Variants in XKRX observed in about 807,000 individuals in gnomAD.
The protein encoded by XKRX is XK-related protein 2.
XKRX carries 11 observed loss-of-function variants against 22.4 expected under a neutral mutation model. The observed-to-expected ratio is 0.49, with a 90% CI of 0.31 to 0.81. The LOEUF is 0.81. XKRX is among the 40% of genes least tolerant of loss of function. The probability of loss-of-function intolerance (pLI) is 0.05; values close to 1 mark genes in which losing one functional copy is unlikely to be tolerated. For synonymous variants in XKRX, 114 were observed against 132.2 expected, an observed-to-expected ratio of 0.86 and a Z score of 0.94; for missense variants, 320 against 336.5, an observed-to-expected ratio of 0.95 and a Z score of 0.38.
chrX:100,942,837 G>C, the XKRX span, among the ~76,000 whole-genome samples: 1 of 110,909 alleles, frequency 9.0e-6, no homozygotes, highest in Non-Finnish European at 1.9e-5. Context: ...CCTTAATCAG[G>C]TGAAACTCAG....
At chrX:100,890,071 T>C in the XKRX span, among the ~76,000 whole-genome samples, 73 of 111,782 alleles carry the variant, frequency 6.5e-4, no homozygotes, top group Non-Finnish European at 6.2e-4. Context: ...CAATTTGTGA[T>C]ACTTTGCTAT....
chrX:100,958,183 T>C, the XKRX span, among the ~76,000 whole-genome samples: 4 of 112,318 alleles, frequency 3.6e-5, no homozygotes, highest in Non-Finnish European at 5.6e-5. Context: ...TATGGCTTGA[T>C]TAAAAATATA....
chrX:100,927,218 G>A (rs983876606), intron 1 of XKRX, among the ~76,000 whole-genome samples: 74 of 108,297 alleles, frequency 6.8e-4, no homozygotes, highest in African/African-American at 2.2e-3. Context: ...TCACTCTATC[G>A]CCCAGGCTGG....
the XKRX span, among the ~76,000 whole-genome samples, chrX:100,947,717 A>G: frequency 8.9e-6 from 1 of 111,912 alleles, no homozygotes; most frequent in Non-Finnish European, 1.9e-5. Context: ...ACAGTCTTCT[A>G]AATAACCCTT....
At chrX:100,936,571 GA>G in the XKRX span, among the ~76,000 whole-genome samples, 1 of 43,392 alleles carries the variant, frequency 2.3e-5, no homozygotes, top group African/African-American at 1.1e-4. Context: ...AAAAAAAAAA[GA>G]AAAGAAAAGA....
In XKRX at chrX:100,923,699, C is replaced by T. The variant is rs1295431902; in HGVS notation, c.336-638G>A. Among the ~76,000 whole-genome samples the T allele has an allele frequency of 1.3e-4, 15 of 111,653 alleles. No homozygotes were observed. In the Admixed American group the frequency reaches 1.4e-3, roughly 11 times the overall value. On this transcript the variant is annotated intron_variant, in intron 1 of 2. Transcript: ENST00000372956. ...TGAACACAAAGGTATTAAGTCGATA[C>T]TGTTTTCCTAGCAAAATAATGAAGG...
the XKRX span, among the ~76,000 whole-genome samples, chrX:100,952,122 G>C: frequency 1.8e-5 from 2 of 110,326 alleles, no homozygotes; most frequent in African/African-American, 6.6e-5. Context: ...ACTAATTGTG[G>C]TTTATTCTAG....
At chrX:100,890,874 G>T in the XKRX span, among the ~76,000 whole-genome samples, 1 of 111,419 alleles carries the variant, frequency 9.0e-6, no homozygotes, top group Non-Finnish European at 1.9e-5. Flanking sequence ...ATTTTTAACA[G>T]AATTCATTTC....
the XKRX span, among the ~76,000 whole-genome samples, chrX:100,952,067 C>T: frequency 4.6e-5 from 5 of 109,557 alleles, no homozygotes; most frequent in Non-Finnish European, 7.6e-5. Context: ...CAAAATCAGA[C>T]AAAGACAGTA....
At chrX:100,895,146 A>G in the XKRX span, among the ~76,000 whole-genome samples, 6 of 111,776 alleles carry the variant, frequency 5.4e-5, no homozygotes, top group South Asian at 2.2e-3. Context: ...CCTTCTTCCT[A>G]CCTCCACTGT....
At chrX:100,897,576 A>C in the XKRX span, among the ~76,000 whole-genome samples, 2 of 89,649 alleles carry the variant, frequency 2.2e-5, no homozygotes, top group African/African-American at 8.2e-5. Context: ...AAAAAAAAAA[A>C]TCCCACAAAT....
At chrX:100,927,133 A>G (rs1451498595) in intron 1 of XKRX, among the ~76,000 whole-genome samples, 1 of 110,784 alleles carries the variant, frequency 9.0e-6, no homozygotes, top group Non-Finnish European at 1.9e-5. Context: ...TGAGGCAGGA[A>G]GATCACTTGA....
intron 1 of XKRX, among the ~76,000 whole-genome samples, chrX:100,926,506 A>G (rs151015655): frequency 0.012 from 1,399 of 112,354 alleles, 19 homozygotes; most frequent in African/African-American, 0.042. Flanking sequence ...AGTGAGTTCC[A>G]TCCTTAATTA....
the XKRX span, among the ~76,000 whole-genome samples, chrX:100,906,246 T>G: frequency 9.0e-6 from 1 of 111,655 alleles, no homozygotes; most frequent in African/African-American, 3.3e-5. Flanking sequence ...GAAGATACAT[T>G]GACACATCAT....
intron 2 of XKRX, among the ~76,000 whole-genome samples, chrX:100,922,341 C>T (rs1430301051): frequency 2.7e-5 from 3 of 112,128 alleles, no homozygotes; most frequent in Non-Finnish European, 5.6e-5. Context: ...TAAAGACTGC[C>T]ATCCTTAAAC....
chrX:100,919,758 T>C (rs2085462868), intron 2 of XKRX, among the ~76,000 whole-genome samples: 1 of 112,007 alleles, frequency 8.9e-6, no homozygotes, highest in South Asian at 3.7e-4. Flanking sequence ...GTTTAAGATA[T>C]GAAGAAACAG....
At chrX:100,954,844 A>G in the XKRX span, among the ~76,000 whole-genome samples, 1 of 112,511 alleles carries the variant, frequency 8.9e-6, no homozygotes, top group Non-Finnish European at 1.9e-5. Flanking sequence ...CATTTATATG[A>G]TATGTCCAAA....
At chrX:100,917,722 G>GAAAGAAAGAAAGAAAGAAATAAATAAAT (rs772047288) in intron 2 of XKRX, among the ~76,000 whole-genome samples, 1 of 75,035 alleles carries the variant, frequency 1.3e-5, no homozygotes, top group Non-Finnish European at 3.0e-5. Context: ...AAGAAAGAAA[G>GAAAGAAAGAAAGAAAGAAATAAATAAAT]AAATCCTTGG....
the XKRX span, among the ~76,000 whole-genome samples, chrX:100,897,597 G>A: frequency 0.073 from 1,148 of 15,829 alleles, 46 homozygotes; most frequent in African/African-American, 0.27. Flanking sequence ...ATATATATGT[G>A]TGTGTGTGTG....
Sources: allele counts gnomAD v4.1 joint callset (sites outside exome capture counted in the v4.1 genomes callset), GRCh38; gene constraint gnomAD v4.1.1; transcripts MANE v1.5; gene names NCBI Gene and HGNC (gene_info 2026-07-23, HGNC 2026-07-21).